The following RSF1 variants were observed in gnomAD, a reference collection of about 807,000 sequenced individuals.
RSF1 encodes remodeling and spacing factor 1.
RSF1 carries 13 observed loss-of-function variants against 145.2 expected under a neutral mutation model. The observed-to-expected ratio is 0.09, with a 90% CI of 0.06 to 0.14. The LOEUF (loss-of-function observed/expected upper bound fraction) is 0.14. Ranked by LOEUF, RSF1 falls within the 10% of genes least tolerant of loss-of-function variation. The pLI is 1.00. For synonymous variants in RSF1, 577 were observed against 592.6 expected (o/e 0.97, Z 0.38); for missense variants, 1,517 against 1,718.2 (o/e 0.88, Z 2.07).
chr11:77,703,785 A>G (rs1960478865), intron 5 of RSF1, among the ~76,000 whole-genome samples: 1 of 148,686 alleles, frequency 6.7e-6, no homozygotes, highest in South Asian at 2.1e-4. Context: ...GAGTAAAAAA[A>G]AATTTCAAAA....
At chr11:77,801,618 C>A (rs915630833) in intron 1 of RSF1, among the ~76,000 whole-genome samples, 2 of 151,946 alleles carry the variant, frequency 1.3e-5, no homozygotes, top group Admixed American at 6.6e-5. Flanking sequence ...GGGTAACATG[C>A]GTGTCTACAC....
At chr11:77,777,993 C>A (rs1948359507) in intron 1 of RSF1, among the ~76,000 whole-genome samples, 1 of 143,476 alleles carries the variant, frequency 7.0e-6, no homozygotes. Context: ...GTATCTTAAA[C>A]TTCAGGTATG....
At chr11:77,868,016 C>T in the RSF1 span, among the ~76,000 whole-genome samples, 2 of 151,146 alleles carry the variant, frequency 1.3e-5, no homozygotes, top group East Asian at 1.9e-4. Flanking sequence ...ACAAGTTGTA[C>T]TGACTTTAAC....
intron 1 of RSF1, among the ~76,000 whole-genome samples, chr11:77,797,434 G>C (rs772820948): frequency 1.3e-5 from 2 of 152,142 alleles, no homozygotes; most frequent in South Asian, 4.1e-4. Flanking sequence ...TTTAATAAAC[G>C]GTGTTGGGAA....
intron 4 of RSF1, among the ~76,000 whole-genome samples, chr11:77,735,647 C>T (rs1370774934): frequency 6.6e-6 from 1 of 152,094 alleles, no homozygotes; most frequent in Non-Finnish European, 1.5e-5. Flanking sequence ...TACTTACTAG[C>T]TAAGAAAAGC....
intron 1 of RSF1, among the ~76,000 whole-genome samples, chr11:77,788,485 G>A (rs1259121407): frequency 1.0e-4 from 11 of 110,252 alleles, no homozygotes; most frequent in African/African-American, 3.7e-4. Context: ...ATAAAAGGTA[G>A]AGAAGACAGG....
intron 1 of RSF1, among the ~76,000 whole-genome samples, chr11:77,776,469 C>T (rs767049905): frequency 6.6e-5 from 10 of 152,016 alleles, no homozygotes; most frequent in Non-Finnish European, 1.5e-4. Context: ...AGCAGAGGTA[C>T]CTAGATGAGT....
At chr11:77,733,558 T>G (rs1271064811) in intron 4 of RSF1, among the ~76,000 whole-genome samples, 1 of 32,084 alleles carries the variant, frequency 3.1e-5, no homozygotes, top group Non-Finnish European at 5.3e-5. Context: ...ACATCTTTGA[T>G]TTTTTTTTTT....
At chr11:77,751,480 C>T (rs1948063161) in intron 2 of RSF1, among the ~76,000 whole-genome samples, 1 of 152,198 alleles carries the variant, frequency 6.6e-6, no homozygotes, top group African/African-American at 2.4e-5. Flanking sequence ...GTAAATCCTT[C>T]TTCTGTCCCC....
At chr11:77,691,680 T>A (rs1960153770) in intron 8 of RSF1, 1 of 153,298 alleles carries the variant, frequency 6.5e-6, no homozygotes, top group Non-Finnish European at 1.5e-5. Context: ...TATTTACAAC[T>A]AATTGATCCC....
chr11:77,866,651 T>A, the RSF1 span: 1 of 152,152 alleles, frequency 6.6e-6, no homozygotes, highest in East Asian at 1.9e-4. Context: ...ACCTTACACT[T>A]GGATTTCCAG....
At chr11:77,842,544 A>G in the RSF1 span, 2 of 1,614,060 alleles carry the variant, frequency 1.2e-6, no homozygotes, top group East Asian at 4.5e-5. Flanking sequence ...AAATGAAAGT[A>G]AAAGGCTCTA....
chr11:77,706,253 A>T (rs898060579), intron 5 of RSF1, among the ~76,000 whole-genome samples: 2 of 151,832 alleles, frequency 1.3e-5, no homozygotes, highest in Admixed American at 6.6e-5. Flanking sequence ...AAAAAAAAAA[A>T]AAAAAAATTA....
chr11:77,683,958 G>A (rs2135828141), intron 10 of RSF1, 139 bp from the exon 11 acceptor site: 1 of 590,238 alleles, frequency 1.7e-6, no homozygotes, highest in Middle Eastern at 4.5e-4. Flanking sequence ...CTCCAAAAGT[G>A]AATAAACATG....
At chr11:77,823,237 A>C (rs1395474193), upstream of RSF1, among the ~76,000 whole-genome samples, 1 of 149,710 alleles carries the variant, frequency 6.7e-6, no homozygotes, top group Non-Finnish European at 1.5e-5. Flanking sequence ...AAAAAAAAGA[A>C]ATTAAAATCC....
At position 77,662,269 on chromosome 11, in the gene RSF1, G is replaced by T. The variant is rs985080187; in HGVS notation, c.*4648C>A. 1.3e-5 allele frequency: 2 copies of T among 151,774 alleles called. No homozygotes were observed. The highest frequency in any genetic ancestry group is 3.9e-4 in the East Asian group (2 of 5,180). The allele number at this position is 151,774 out of a possible 1,614,324, so 9.4% of individuals were successfully genotyped here. ...AACCATTATGATGTGCCAGAATTGG[G>T]TTTACTGAATTTTCCAAAGTGGTAT... On this transcript the variant is annotated 3_prime_UTR_variant, in exon 16 of 16. Transcript: ENST00000308488.
intron 5 of RSF1, among the ~76,000 whole-genome samples, chr11:77,712,885 G>A (rs1590845472): frequency 6.6e-6 from 1 of 152,102 alleles, no homozygotes; most frequent in South Asian, 2.1e-4. Flanking sequence ...TCCTTCCACT[G>A]GCACCTATGT....
chr11:77,696,783 ATGATCATAAAATACTT>A (rs1960287811), intron 7 of RSF1, among the ~76,000 whole-genome samples: 1 of 152,192 alleles, frequency 6.6e-6, no homozygotes, highest in Non-Finnish European at 1.5e-5. Context: ...CATAGCCTTG[ATGATCATAAAATACTT>A]AGAGGGATCT....
intron 1 of RSF1, among the ~76,000 whole-genome samples, chr11:77,789,763 TGAG>T (rs373468725): frequency 1.6e-4 from 24 of 152,316 alleles, no homozygotes; most frequent in African/African-American, 5.8e-4. Flanking sequence ...ACAGGGAGCC[TGAG>T]GATAAGCCCT....
Sources: gnomAD v4.1 joint callset for allele counts (sites outside exome capture counted in the v4.1 genomes callset) on GRCh38, gnomAD v4.1.1 for gene constraint, MANE v1.5 for transcripts, NCBI Gene and HGNC (gene_info 2026-07-23, HGNC 2026-07-21) for gene names.